Variants in IMPG2 observed in about 807,000 individuals in gnomAD.
IMPG2 encodes interphotoreceptor matrix proteoglycan 2, also known as IPM 200.
In IMPG2, 91 loss-of-function variants were observed where a neutral mutation model predicts 129.2. The ratio of observed to expected loss-of-function variants is 0.70; its 90% CI spans 0.59 to 0.84. IMPG2 has a LOEUF of 0.84. IMPG2 is among the 40% of genes least tolerant of loss of function. IMPG2 has a pLI of 0.00. For synonymous variants in IMPG2, 510 were observed against 517.7 expected (o/e 0.99, Z 0.20); for missense variants, 1,430 against 1,461.7 (o/e 0.98, Z 0.35).
intron 14 of IMPG2, among the ~76,000 whole-genome samples, chr3:101,241,654 G>T (rs556341757): frequency 1.1e-4 from 17 of 152,252 alleles, no homozygotes; most frequent in Non-Finnish European, 1.9e-4. Context: ...GCATGGATTT[G>T]AGATATACTT....
chr3:101,285,099 T>G (rs939471069), intron 4 of IMPG2, among the ~76,000 whole-genome samples: 56 of 152,312 alleles, frequency 3.7e-4, no homozygotes, highest in South Asian at 2.5e-3. Context: ...ATAGGGTAAT[T>G]GTGACAATTA....
rs1324963139 is a variant in IMPG2 at position 101,226,784 on chromosome 3, G to A, written c.*185C>T. Reference sequence around the variant, plus strand: ...TTCAGTCTTTATAGAAATAAAAATGGTAACATCTCTTACTACATTCTGAAA... The same window carrying A: ...TTCAGTCTTTATAGAAATAAAAATGATAACATCTCTTACTACATTCTGAAA... On this transcript the variant is annotated 3_prime_UTR_variant, in exon 19 of 19. Coordinates refer to ENST00000193391, the MANE Select transcript of IMPG2 (RefSeq NM_016247.4). The A allele has an allele frequency of 5.0e-5, 30 of 598,786 alleles. No homozygotes were observed. The East Asian group carries it at 8.4e-4, about 17-fold the overall frequency. The allele number at this position is 598,786 out of a possible 1,614,324, so 37.1% of individuals were successfully genotyped here.
At chr3:101,297,732 G>T (rs1334111396) in intron 3 of IMPG2, among the ~76,000 whole-genome samples, 1 of 152,178 alleles carries the variant, frequency 6.6e-6, no homozygotes. Flanking sequence ...TTAAGCCTCA[G>T]TTCTAATAGG....
Position 101,319,799 on chromosome 3 carries a change from T to A in IMPG2, c.119A>T (p.Glu40Val). The A allele has an allele frequency of 6.2e-7, 1 of 1,613,104 alleles. No individual in the cohort carries two copies. Among genetic ancestry groups the A allele is most frequent in the East Asian group, 2.2e-5 (1 of 44,870 alleles). The change falls in exon 2 of 19, where the codon GAA becomes GTA. Residue 40 changes from glutamate to valine, a missense_variant. Transcript: ENST00000193391. ...GAGAAAAGAAACTGCACTCTTGGGT[T>A]CTTGGATCTCCTCTATAGATAAGTA... ...QTYLSIEEIQEPKSAVSFLLP... is the reference protein window; with the variant it reads ...QTYLSIEEIQVPKSAVSFLLP...
In IMPG2 at chr3:101,275,657, A is replaced by C; in HGVS notation, c.666+6T>G. 6.3e-7 allele frequency: 1 copy of C among 1,595,368 alleles called. No homozygotes were observed. Among genetic ancestry groups the C allele is most frequent in the Non-Finnish European group, 8.6e-7 (1 of 1,162,826 alleles). On this transcript the variant is annotated splice_donor_region_variant and intron_variant, in intron 6 of 18. Coordinates refer to ENST00000193391, the MANE Select transcript of IMPG2 (RefSeq NM_016247.4). ...AAACTAACTAACAAAACAGAGCATC[A>C]CTCACACTCTCCTCTGGCCTTTCCA... is the stretch of plus-strand genomic sequence containing the variant.
At chr3:101,228,259 A>T (rs1445319612) in intron 18 of IMPG2, among the ~76,000 whole-genome samples, 1 of 152,246 alleles carries the variant, frequency 6.6e-6, no homozygotes, top group Non-Finnish European at 1.5e-5. Flanking sequence ...CAAGAGATAC[A>T]GTTTAATGAG....
At chr3:101,277,387 T>C (rs1281443184) in intron 4 of IMPG2, among the ~76,000 whole-genome samples, 2 of 152,226 alleles carry the variant, frequency 1.3e-5, no homozygotes, top group Non-Finnish European at 2.9e-5. Flanking sequence ...TGCCAGGCAA[T>C]GTAGAAGGTA....
intron 4 of IMPG2, among the ~76,000 whole-genome samples, chr3:101,287,730 C>CA (rs1325952132): frequency 6.6e-6 from 1 of 151,854 alleles, no homozygotes; most frequent in Non-Finnish European, 1.5e-5. Context: ...TATCATATAC[C>CA]AAAATTAACT....
chr3:101,310,168 A>G (rs1044359268), intron 2 of IMPG2, among the ~76,000 whole-genome samples: 2 of 152,232 alleles, frequency 1.3e-5, no homozygotes, highest in African/African-American at 2.4e-5. Flanking sequence ...TTCACCTTTA[A>G]GAAAGTAAAC....
chr3:101,294,935 G>T (rs2460724), intron 3 of IMPG2, among the ~76,000 whole-genome samples: 108,862 of 151,626 alleles, frequency 0.72, 40,220 homozygotes, highest in East Asian at 0.84. Flanking sequence ...TTTTGATGGG[G>T]TTTTTTTCTT....
chr3:101,291,370 G>A lies in IMPG2; in HGVS notation c.533+109C>T, dbSNP rs184384923. On this transcript the variant is annotated intron_variant, in intron 4 of 18. Transcript: ENST00000193391. ...ACTTATCCACAGGCCTGGTCATTGCGAACTGGCAAGAAAATAGAAAGGCAC... is the reference window on the plus strand; with the variant it reads ...ACTTATCCACAGGCCTGGTCATTGCAAACTGGCAAGAAAATAGAAAGGCAC... 4.4e-3 allele frequency: 4,203 copies of A among 950,476 alleles called. 54 individuals are homozygous for A. Among genetic ancestry groups the A allele is most frequent in the Middle Eastern group, 0.031 (150 of 4,768 alleles). The allele number at this position is 950,476 out of a possible 1,614,324, so 58.9% of individuals were successfully genotyped here. A position where few individuals can be genotyped will look rare whatever the true frequency, so the allele number is the denominator to read the frequency against.
intron 11 of IMPG2, among the ~76,000 whole-genome samples, chr3:101,251,904 G>C (rs1706548434): frequency 6.6e-6 from 1 of 152,052 alleles, no homozygotes; most frequent in South Asian, 2.1e-4. Context: ...GGGAGGGAAG[G>C]AATAAATTAA....
chr3:101,281,856 T>C (rs1706896687), intron 4 of IMPG2, among the ~76,000 whole-genome samples: 1 of 151,970 alleles, frequency 6.6e-6, no homozygotes, highest in Non-Finnish European at 1.5e-5. Context: ...AGCCAAGAAA[T>C]GTGGGTGGTC....
chr3:101,228,747 T>C (rs1448067033), intron 18 of IMPG2, 50 bp downstream of exon 18: 2 of 1,411,412 alleles, frequency 1.4e-6, no homozygotes, highest in Non-Finnish European at 2.0e-6. Flanking sequence ...TACTCTAGAG[T>C]AAACTGTTAA....
At chr3:101,244,901 T>C in intron 12 of IMPG2, 114 bp from the exon 13 acceptor site, 1 of 893,238 alleles carries the variant, frequency 1.1e-6, no homozygotes, top group East Asian at 2.6e-5. Flanking sequence ...GGGACAATTG[T>C]TGACTTTTGC....
intron 3 of IMPG2, among the ~76,000 whole-genome samples, chr3:101,298,403 G>T (rs1377994735): frequency 6.6e-6 from 1 of 152,108 alleles, no homozygotes; most frequent in African/African-American, 2.4e-5. Context: ...TACACTAAAG[G>T]TTAATATTGT....
chr3:101,305,397 T>C (rs1395911070), intron 2 of IMPG2, among the ~76,000 whole-genome samples: 1 of 152,084 alleles, frequency 6.6e-6, no homozygotes, highest in East Asian at 1.9e-4. Flanking sequence ...TATGATACTA[T>C]AATGGAGGAT....
rs190203490 is a variant in IMPG2, at chr3:101,298,621, T to C, written c.501+5525A>G. Among the ~76,000 whole-genome samples, 46 of 152,316 alleles carry C rather than the reference T, an allele frequency of 3.0e-4. 2 individuals are homozygous for C. The highest frequency in any genetic ancestry group is 2.7e-3 in the Admixed American group (41 of 15,296). On this transcript the variant is annotated intron_variant, in intron 3 of 18. Transcript: ENST00000193391. ...GTGATGAAATCTCTCAGTATTTGCT[T>C]GTCTGGAAAGGATTTTATTTCTCCT...
At chr3:101,277,271 T>G (rs1706848713) in intron 4 of IMPG2, among the ~76,000 whole-genome samples, 1 of 152,210 alleles carries the variant, frequency 6.6e-6, no homozygotes, top group African/African-American at 2.4e-5. Context: ...TGCATGAGAT[T>G]GGAGACCTTG....
Sources: gnomAD v4.1 joint callset for allele counts (sites outside exome capture counted in the v4.1 genomes callset) on GRCh38, gnomAD v4.1.1 for gene constraint, MANE v1.5 for transcripts, NCBI Gene and HGNC (gene_info 2026-07-23, HGNC 2026-07-21) for gene names.